TMTC1: variants seen among roughly 807,000 people sequenced by gnomAD.
TMTC1 encodes transmembrane O-mannosyltransferase targeting cadherins 1.
TMTC1 carries 73 observed loss-of-function variants against 104.8 expected under a neutral mutation model. The observed-to-expected ratio is 0.70, with a 90% CI of 0.58 to 0.85. The LOEUF (loss-of-function observed/expected upper bound fraction) is 0.85. TMTC1 is among the 40% of genes least tolerant of loss of function. The probability of loss-of-function intolerance (pLI) is 0.00; values close to 1 mark genes in which losing one functional copy is unlikely to be tolerated. For synonymous variants in TMTC1, 434 were observed against 428.7 expected (o/e 1.01, Z -0.15); for missense variants, 1,035 against 1,096.1 (o/e 0.94, Z 0.79).
chr12:29,695,178 T>C (rs1365388218), intron 5 of TMTC1, among the ~76,000 whole-genome samples: 1 of 152,130 alleles, frequency 6.6e-6, no homozygotes, highest in Admixed American at 6.5e-5. Context: ...CTCTCCTCTG[T>C]CTCTTATAAC....
downstream of TMTC1, chr12:29,500,816 T>C (rs1046729126): frequency 1.3e-5 from 2 of 152,746 alleles, no homozygotes; most frequent in African/African-American, 4.8e-5. Flanking sequence ...CATGAAGTAC[T>C]TGAGAGATTG....
intron 5 of TMTC1, among the ~76,000 whole-genome samples, chr12:29,677,853 TGCCATATG>T (rs1940785028): frequency 6.6e-6 from 1 of 152,282 alleles, no homozygotes; most frequent in South Asian, 2.1e-4. Flanking sequence ...GCAGCGATGC[TGCCATATG>T]GCTATAATTG....
intron 9 of TMTC1, among the ~76,000 whole-genome samples, chr12:29,567,486 A>G (rs191127394): frequency 6.6e-6 from 1 of 152,338 alleles, no homozygotes; most frequent in Admixed American, 6.5e-5. Flanking sequence ...TATACTGAGA[A>G]TGTAATTTCA....
intron 5 of TMTC1, among the ~76,000 whole-genome samples, chr12:29,673,995 G>C (rs1018423688): frequency 1.1e-4 from 16 of 151,956 alleles, no homozygotes; most frequent in African/African-American, 3.9e-4. Context: ...CCAATCTCAG[G>C]TGATCTGCCA....
intron 5 of TMTC1, among the ~76,000 whole-genome samples, chr12:29,656,065 C>T (rs983124356): frequency 6.6e-6 from 1 of 152,052 alleles, no homozygotes. Flanking sequence ...GCAGAGCCAG[C>T]CAAGTCGCAG....
At chr12:29,574,775 C>T in intron 8 of TMTC1, among the ~76,000 whole-genome samples, 1 of 152,204 alleles carries the variant, frequency 6.6e-6, no homozygotes, top group East Asian at 1.9e-4. Flanking sequence ...CTCATCACTT[C>T]CTCACAGGCC....
At chr12:29,644,487 C>T (rs538911977) in intron 5 of TMTC1, among the ~76,000 whole-genome samples, 27 of 151,946 alleles carry the variant, frequency 1.8e-4, no homozygotes, top group African/African-American at 6.5e-4. Context: ...AACCAAATAC[C>T]ACCTGTACCA....
Position 29,644,149 on chromosome 12 carries a change from G to GTA in TMTC1, c.939-10815_939-10814dup, listed in dbSNP as rs149004557. 7.5e-4 allele frequency among the ~76,000 whole-genome samples: 37 copies of GTA among 49,382 alleles called. 3 individuals carry two copies. Among genetic ancestry groups the GTA allele is most frequent in the East Asian group, 6.8e-3 (11 of 1,620 alleles). The allele number at this position is 49,382 out of a possible 152,430, so 32.4% of individuals were successfully genotyped here. ...TGTGTGTGTGTGTGTGTGTGTGTGT[G>GTA]TATATATATATATAATGAAATACTA... On this transcript the variant is annotated intron_variant, in intron 5 of 17. Transcript: ENST00000539277.
chr12:29,587,917 C>G (rs1037182683), intron 7 of TMTC1, among the ~76,000 whole-genome samples: 1 of 152,196 alleles, frequency 6.6e-6, no homozygotes, highest in African/African-American at 2.4e-5. Flanking sequence ...TTCCTAAACA[C>G]ACCTCCTTAA....
At chr12:29,754,273 G>C (rs1407117443) in intron 4 of TMTC1, among the ~76,000 whole-genome samples, 1 of 151,860 alleles carries the variant, frequency 6.6e-6, no homozygotes, top group African/African-American at 2.4e-5. Context: ...GTATGATGAA[G>C]GTAAAGAAAA....
Position 29,518,457 on chromosome 12 carries a change from GA to G in TMTC1, c.2024+14del. On this transcript the variant is annotated intron_variant, in intron 13 of 17. Transcript: ENST00000539277. Reference sequence around the variant, plus strand: ...GTTCCTGGGCAACTTATAAAGAAAAGAAAGGGAACTTTACCGCTTGTACCAT... The same window carrying G: ...GTTCCTGGGCAACTTATAAAGAAAAGAAGGGAACTTTACCGCTTGTACCAT... 6.2e-7 allele frequency: 1 copy of G among 1,608,414 alleles called. No homozygotes were observed.
intron 4 of TMTC1, among the ~76,000 whole-genome samples, chr12:29,754,110 C>T (rs373646153): frequency 6.8e-4 from 104 of 151,866 alleles, no homozygotes; most frequent in African/African-American, 2.2e-3. Context: ...CATGATCTGC[C>T]GGCCTTGGCC....
chr12:29,583,432 A>G lies in TMTC1; in HGVS notation c.1393T>C (p.Trp465Arg). 1 of 1,613,930 alleles carries G rather than the reference A, an allele frequency of 6.2e-7. No homozygotes were observed. The highest frequency in any genetic ancestry group is 8.5e-7 in the Non-Finnish European group (1 of 1,179,858). The change falls in exon 8 of 18, where the codon TGG becomes CGG. Residue 465 changes from tryptophan to arginine, a missense_variant. Coordinates refer to ENST00000539277, the MANE Select transcript of TMTC1 (RefSeq NM_001193451.2). ...SWKTVKQNEI[W>R]LSRESLFRSG... ...CTGAATAGGGACTCTCTTGACAGCC[A>G]AATTTCATTCTGTTTCACAGTTTTC...
chr12:29,603,555 G>A (rs1415878066), intron 7 of TMTC1, among the ~76,000 whole-genome samples: 1 of 152,058 alleles, frequency 6.6e-6, no homozygotes. Context: ...CTGATTCAGT[G>A]ACATTTTCAA....
At chr12:29,616,685 A>AAC (rs1946988897) in intron 6 of TMTC1, among the ~76,000 whole-genome samples, 1 of 151,950 alleles carries the variant, frequency 6.6e-6, no homozygotes, top group Admixed American at 6.6e-5. Flanking sequence ...AAAAAAAAAA[A>AAC]AAAAACATTT....
chr12:29,656,769 T>C (rs572429778), intron 5 of TMTC1, among the ~76,000 whole-genome samples: 1 of 152,260 alleles, frequency 6.6e-6, no homozygotes, highest in South Asian at 2.1e-4. Flanking sequence ...TTGAAAAGTA[T>C]ATATATATGC....
intron 6 of TMTC1, among the ~76,000 whole-genome samples, chr12:29,614,955 G>A (rs184461880): frequency 1.3e-5 from 2 of 152,210 alleles, no homozygotes; most frequent in Non-Finnish European, 2.9e-5. Context: ...GGGTTCACTG[G>A]CCGAAGTCAC....
chr12:29,590,932 T>C (rs1286116627), intron 7 of TMTC1, among the ~76,000 whole-genome samples: 1 of 152,246 alleles, frequency 6.6e-6, no homozygotes, highest in African/African-American at 2.4e-5. Context: ...CCCTGCTTTA[T>C]TAATTTTGCC....
chr12:29,633,226 C>T lies in TMTC1; in HGVS notation c.1049G>A (p.Trp350Ter), dbSNP rs1565724881. The T allele has an allele frequency of 6.2e-7, 1 of 1,614,020 alleles. No homozygotes were observed. ...GATGGTGGCTAAGTTCCGCATGTCC[C>T]ATATGGTCTCTACCAGAGGAATACT... is the stretch of plus-strand genomic sequence containing the variant. ...VGSIPLVETI[W>*]DMRNLATIFL... is the part of the protein sequence containing the mutation. The change falls in exon 6 of 18, where the codon TGG (tryptophan) becomes TAG (stop). Residue 350 changes from tryptophan (W) to a stop codon, truncating the protein, a stop_gained. Transcript: ENST00000539277. LOFTEE classifies it high-confidence loss of function.
Sources: allele counts gnomAD v4.1 joint callset (sites outside exome capture counted in the v4.1 genomes callset), GRCh38; gene constraint gnomAD v4.1.1; transcripts MANE v1.5; gene names NCBI Gene and HGNC (gene_info 2026-07-23, HGNC 2026-07-21).